FDFT1: variants seen among roughly 807,000 people sequenced by gnomAD.
The protein encoded by FDFT1 is farnesyl-diphosphate farnesyltransferase 1, also known as squalene synthase.
FDFT1 carries 68 observed loss-of-function variants against 46.8 expected under a neutral mutation model. The ratio of observed to expected loss-of-function variants is 1.45; its 90% CI spans 1.19 to 1.78. The LOEUF is 1.78. Among genes scored for constraint, FDFT1 ranks in the 40% most tolerant of loss-of-function variants. FDFT1 has a pLI of 0.00. For synonymous variants in FDFT1, 351 were observed against 185.1 expected (o/e 1.90, Z -7.28); for missense variants, 928 against 524.4 (o/e 1.77, Z -7.52).
At chr8:11,821,357 C>T (rs889881665) in intron 3 of FDFT1, among the ~76,000 whole-genome samples, 13 of 152,164 alleles carry the variant, frequency 8.5e-5, no homozygotes, top group Non-Finnish European at 1.5e-4. Flanking sequence ...GTTTGGGAGG[C>T]CAGGGCTAGT....
intron 3 of FDFT1, among the ~76,000 whole-genome samples, chr8:11,816,905 T>G (rs1336416556): frequency 2.6e-5 from 4 of 152,216 alleles, no homozygotes; most frequent in Non-Finnish European, 5.9e-5. Context: ...CAATACTGTG[T>G]TGAATAGGAG....
At chr8:11,825,948 G>T in intron 4 of FDFT1, 76 bp from the exon 5 acceptor site, 1 of 1,013,574 alleles carries the variant, frequency 9.9e-7, no homozygotes, top group Non-Finnish European at 1.4e-6. Context: ...CTGCTTTTTT[G>T]TAGCTAATGA....
upstream of FDFT1, chr8:11,802,676 A>T: frequency 1.6e-6 from 1 of 639,152 alleles, no homozygotes; most frequent in East Asian, 2.8e-5. Context: ...AGGCCGGTTG[A>T]AGTGGGCGGA....
chr8:11,797,679 G>C (rs1805704162), upstream of FDFT1, among the ~76,000 whole-genome samples: 1 of 143,386 alleles, frequency 7.0e-6, no homozygotes, highest in Non-Finnish European at 1.5e-5. Context: ...CAAAAAAAAC[G>C]GTGGGGGAGG....
chr8:11,826,632 C>T (rs1692800), intron 5 of FDFT1, among the ~76,000 whole-genome samples: 1 of 152,196 alleles, frequency 6.6e-6, no homozygotes, highest in African/African-American at 2.4e-5. Flanking sequence ...TGGCCAACAT[C>T]GTGAAACCCC....
At chr8:11,821,067 T>A (rs1809170735) in intron 3 of FDFT1, among the ~76,000 whole-genome samples, 1 of 152,204 alleles carries the variant, frequency 6.6e-6, no homozygotes, top group Admixed American at 6.5e-5. Context: ...AGAATGATAC[T>A]TGTTACATAG....
At chr8:11,838,025 T>G (rs1190548429) in intron 7 of FDFT1, among the ~76,000 whole-genome samples, 1 of 152,210 alleles carries the variant, frequency 6.6e-6, no homozygotes, top group East Asian at 1.9e-4. Context: ...CATTTCCCTT[T>G]CGTCATGTTA....
intron 5 of FDFT1, among the ~76,000 whole-genome samples, chr8:11,828,820 G>C (rs969154119): frequency 1.2e-4 from 18 of 152,230 alleles, no homozygotes; most frequent in African/African-American, 4.1e-4. Context: ...GCTCCTCCAT[G>C]CTGGGGCATT....
At chr8:11,821,622 G>C (rs1809258722) in intron 3 of FDFT1, 128 bp from the exon 4 acceptor site, 2 of 1,104,460 alleles carry the variant, frequency 1.8e-6, no homozygotes, top group African/African-American at 1.6e-5. Context: ...AAAAATGTGT[G>C]ACCTAAATTA....
intron 3 of FDFT1, among the ~76,000 whole-genome samples, chr8:11,817,508 G>C (rs900819865): frequency 6.6e-6 from 1 of 152,146 alleles, no homozygotes; most frequent in Admixed American, 6.5e-5. Context: ...ACTTTCTTTG[G>C]TTGGTAGGCT....
chr8:11,810,439 G>C (rs1807551515), intron 3 of FDFT1, among the ~76,000 whole-genome samples: 1 of 152,190 alleles, frequency 6.6e-6, no homozygotes, highest in Non-Finnish European at 1.5e-5. Flanking sequence ...CTTCACCTGT[G>C]ATCCTGGGCA....
At chr8:11,810,600 G>C (rs1440157120) in intron 3 of FDFT1, among the ~76,000 whole-genome samples, 1 of 152,086 alleles carries the variant, frequency 6.6e-6, no homozygotes, top group Non-Finnish European at 1.5e-5. Context: ...GAGTAAAGTG[G>C]GTTATAGTTA....
chr8:11,813,332 T>TAA (rs1471535919), intron 3 of FDFT1, among the ~76,000 whole-genome samples: 1 of 152,232 alleles, frequency 6.6e-6, no homozygotes, highest in Non-Finnish European at 1.5e-5. Context: ...ATAATAGCAA[T>TAA]AATAGTGTTC....
chr8:11,796,584 G>T (rs949424661), intron 1 of FDFT1, among the ~76,000 whole-genome samples: 1 of 152,212 alleles, frequency 6.6e-6, no homozygotes, highest in African/African-American at 2.4e-5. Flanking sequence ...CGGTGGAAAA[G>T]GGGAAGGCTG....
intron 3 of FDFT1, among the ~76,000 whole-genome samples, chr8:11,813,537 G>T (rs1273994957): frequency 6.6e-6 from 1 of 152,202 alleles, no homozygotes; most frequent in Admixed American, 6.5e-5. Flanking sequence ...TACCCGTGAA[G>T]TTAAGTGACA....
chr8:11,815,280 T>A (rs556809499), intron 3 of FDFT1, among the ~76,000 whole-genome samples: 63 of 152,324 alleles, frequency 4.1e-4, no homozygotes, highest in Non-Finnish European at 8.7e-4. Context: ...TGATGGACAT[T>A]TGGGTTGGTT....
intron 1 of FDFT1, among the ~76,000 whole-genome samples, chr8:11,804,534 A>C (rs906043643): frequency 6.6e-6 from 1 of 151,490 alleles, no homozygotes; most frequent in Admixed American, 6.6e-5. Flanking sequence ...AAATACCTGA[A>C]CCTTTAATTA....
intron 1 of FDFT1, among the ~76,000 whole-genome samples, chr8:11,804,817 G>T (rs1016647261): frequency 6.6e-6 from 1 of 151,452 alleles, no homozygotes; most frequent in Non-Finnish European, 1.5e-5. Flanking sequence ...CCATGTTGGT[G>T]AGGCTGGTTT....
At chr8:11,802,446 C>G (rs1350664531), upstream of FDFT1, 1 of 461,952 alleles carries the variant, frequency 2.2e-6, no homozygotes, top group Non-Finnish European at 4.3e-6. Context: ...CGTTCGCGCT[C>G]CCAGCCGGGG....
Sources: allele counts gnomAD v4.1 joint callset (sites outside exome capture counted in the v4.1 genomes callset), GRCh38; gene constraint gnomAD v4.1.1; transcripts MANE v1.5; gene names NCBI Gene and HGNC (gene_info 2026-07-23, HGNC 2026-07-21).